The following PLCG2 variants were observed in gnomAD, a reference collection of about 807,000 sequenced individuals.
PLCG2 encodes 1-phosphatidylinositol 4,5-bisphosphate phosphodiesterase gamma-2.
Under a neutral mutation model 175.6 loss-of-function variants are expected in PLCG2, and 69 were observed. The observed-to-expected ratio is 0.39, with a 90% CI of 0.32 to 0.48. The LOEUF is 0.48. PLCG2 is among the 20% of genes least tolerant of loss of function. PLCG2 has a pLI of 0.91. For synonymous variants in PLCG2, 827 were observed against 624.0 expected (o/e 1.33, Z -4.85); for missense variants, 1,798 against 1,650.9 (o/e 1.09, Z -1.54).
At position 81,912,630 on chromosome 16, in the gene PLCG2, A is replaced by G. The variant is rs1354177884; in HGVS notation, c.1968A>G (p.Ala656=). Residue 656 remains alanine (A), a synonymous_variant, in exon 19 of 33, where the codon GCA becomes GCG. Coordinates refer to ENST00000564138, the MANE Select transcript of PLCG2 (RefSeq NM_002661.5). ...ATGACAGCCTGAGCCGCGGAGAGGC[A>G]GAGGACATGCTGATGAGGATTCCCC... ...WYYDSLSRGE[A]EDMLMRIPRD... The G allele has an allele frequency of 6.2e-7, 1 of 1,613,238 alleles. No homozygotes were observed. Among genetic ancestry groups the G allele is most frequent in the East Asian group, 2.2e-5 (1 of 44,866 alleles).
chr16:81,867,859 G>A (rs746913742), intron 5 of PLCG2, among the ~76,000 whole-genome samples: 18 of 152,024 alleles, frequency 1.2e-4, no homozygotes, highest in Non-Finnish European at 2.6e-4. Flanking sequence ...TACCATGCCT[G>A]GCTAATTTTT....
At chr16:81,936,941 A>AGGG (rs1910741022) in intron 27 of PLCG2, among the ~76,000 whole-genome samples, 1 of 152,194 alleles carries the variant, frequency 6.6e-6, no homozygotes, top group African/African-American at 2.4e-5. Flanking sequence ...GTCCCCGTGG[A>AGGG]GGCACATGTA....
chr16:81,865,343 G>C lies in PLCG2; in HGVS notation c.480-3871G>C, dbSNP rs559915711. On this transcript the variant is annotated intron_variant, in intron 5 of 32. Transcript: ENST00000564138. ...TGCCTGTGCTGGTTTTGGTCGGGCT[G>C]TGCAGCACGACACACACACATCCAG... Among the ~76,000 whole-genome samples, 6 of 152,286 alleles carry C rather than the reference G, an allele frequency of 3.9e-5. No homozygotes were observed. In the East Asian group the frequency reaches 1.2e-3, roughly 29 times the overall value.
chr16:81,935,826 T>C, intron 26 of PLCG2: 1 of 985,352 alleles, frequency 1.0e-6, no homozygotes, highest in Non-Finnish European at 1.2e-6. Context: ...TCCCAAGATC[T>C]TCTCCTACCC....
At chr16:81,866,381 C>T (rs1285524293) in intron 5 of PLCG2, among the ~76,000 whole-genome samples, 3 of 120,904 alleles carry the variant, frequency 2.5e-5, no homozygotes, top group Non-Finnish European at 3.6e-5. Context: ...ACTGGGGCAC[C>T]AGCATGAGAG....
intron 2 of PLCG2, among the ~76,000 whole-genome samples, chr16:81,759,922 C>G (rs577188816): frequency 6.6e-6 from 1 of 152,056 alleles, no homozygotes; most frequent in Non-Finnish European, 1.5e-5. Flanking sequence ...GTCAGGAGAT[C>G]GAGACCATCC....
intron 1 of PLCG2, among the ~76,000 whole-genome samples, chr16:81,785,020 C>T (rs769517751): frequency 1.3e-5 from 2 of 152,128 alleles, no homozygotes; most frequent in African/African-American, 2.4e-5. Flanking sequence ...TCTGGCTCTG[C>T]ATCTGAGAAT....
chr16:81,753,576 G>A (rs932121758), intron 1 of PLCG2, among the ~76,000 whole-genome samples: 3 of 151,888 alleles, frequency 2.0e-5, no homozygotes, highest in Admixed American at 6.6e-5. Flanking sequence ...ACATTACCAC[G>A]CCCAGCTAAT....
At chr16:81,792,480 C>CAAAAAAAAAAAA (rs532680550) in intron 2 of PLCG2, among the ~76,000 whole-genome samples, 48 of 70,150 alleles carry the variant, frequency 6.8e-4, no homozygotes, top group African/African-American at 1.1e-3. Context: ...GGCTCTGTCT[C>CAAAAAAAAAAAA]AAAAAAAAAA....
intron 22 of PLCG2, among the ~76,000 whole-genome samples, chr16:81,925,813 G>A (rs1453015100): frequency 6.6e-6 from 1 of 151,990 alleles, no homozygotes; most frequent in Non-Finnish European, 1.5e-5. Context: ...CTTGAACCTG[G>A]GAGGCGAAGG....
At chr16:81,940,094 G>T (rs1211331472) in intron 30 of PLCG2, 35 bp downstream of exon 30, 2 of 1,566,614 alleles carry the variant, frequency 1.3e-6, no homozygotes, top group Non-Finnish European at 1.8e-6. Flanking sequence ...TTCGATTTGG[G>T]CTGGCGTTGT....
intron 9 of PLCG2, among the ~76,000 whole-genome samples, chr16:81,886,550 T>C (rs557069651): frequency 1.3e-5 from 2 of 152,290 alleles, no homozygotes; most frequent in East Asian, 3.9e-4. Context: ...GAATGAAAAC[T>C]TGGAAGTAAT....
In PLCG2 at chr16:81,928,624, G is replaced by T. The variant is rs559219743; in HGVS notation, c.2581G>T (p.Val861Leu). Residue 861 changes from valine (V) to leucine (L), a missense_variant and splice_region_variant, in exon 24 of 33, where the codon GTG (valine) becomes TTG (leucine). Coordinates refer to ENST00000564138, the MANE Select transcript of PLCG2 (RefSeq NM_002661.5). ...ATTGGACCTCAATACCTATAACGTC[G>T]GTACGTGCACACATCATCTTAGCCT... ...GILDLNTYNV[V>L]KAPQGKNQKS... 6.3e-7 allele frequency: 1 copy of T among 1,594,318 alleles called. No homozygotes were observed. Among genetic ancestry groups the T allele is most frequent in the Non-Finnish European group, 8.6e-7 (1 of 1,161,962 alleles).
At chr16:81,775,617 C>A (rs1021210643), upstream of PLCG2, among the ~76,000 whole-genome samples, 2 of 152,126 alleles carry the variant, frequency 1.3e-5, no homozygotes, top group Non-Finnish European at 2.9e-5. Flanking sequence ...GGCTAATGGT[C>A]CAATGCACCA....
intron 11 of PLCG2, among the ~76,000 whole-genome samples, chr16:81,893,157 C>T (rs1190293050): frequency 6.6e-6 from 1 of 152,140 alleles, no homozygotes; most frequent in Non-Finnish European, 1.5e-5. Flanking sequence ...TCGTGCTTGG[C>T]CTCGGAACAC....
At chr16:81,947,575 G>A (rs1385050911) in intron 31 of PLCG2, among the ~76,000 whole-genome samples, 3 of 152,200 alleles carry the variant, frequency 2.0e-5, no homozygotes, top group Non-Finnish European at 4.4e-5. Flanking sequence ...CCTCAATGCA[G>A]ACTTTTCTGA....
chr16:81,955,610 C>T (rs1911535430), intron 31 of PLCG2, among the ~76,000 whole-genome samples: 1 of 152,236 alleles, frequency 6.6e-6, no homozygotes, highest in Non-Finnish European at 1.5e-5. Context: ...TCTGTGCTCA[C>T]TCAGTGGCTG....
In PLCG2 at chr16:81,841,429, C is replaced by A. The variant is rs992540578; in HGVS notation, c.194-13015C>A. On this transcript the variant is annotated intron_variant, in intron 2 of 32. Transcript: ENST00000564138. ...CTAATTTTTGTATTTTTAGTAGAGACAGCATTTCACTATGTTGGCCAGGCT... is the reference window on the plus strand; with the variant it reads ...CTAATTTTTGTATTTTTAGTAGAGAAAGCATTTCACTATGTTGGCCAGGCT... Among the ~76,000 whole-genome samples the A allele has an allele frequency of 3.9e-5, 6 of 152,080 alleles. No homozygotes were observed. The East Asian group carries it at 1.2e-3, about 29-fold the overall frequency.
At chr16:81,822,943 C>G (rs1597338106) in intron 2 of PLCG2, among the ~76,000 whole-genome samples, 1 of 152,134 alleles carries the variant, frequency 6.6e-6, no homozygotes, top group East Asian at 1.9e-4. Flanking sequence ...TCCCTCGGAG[C>G]CTCCAGAAGG....
Sources: gnomAD v4.1 joint callset for allele counts (sites outside exome capture counted in the v4.1 genomes callset) on GRCh38, gnomAD v4.1.1 for gene constraint, MANE v1.5 for transcripts, NCBI Gene and HGNC (gene_info 2026-07-23, HGNC 2026-07-21) for gene names.